MCM9: variants seen among roughly 807,000 people sequenced by gnomAD.
MCM9 encodes DNA helicase MCM9.
In MCM9, 55 loss-of-function variants were observed where a neutral mutation model predicts 72.8. The ratio of observed to expected loss-of-function variants is 0.76; its 90% CI spans 0.61 to 0.95. MCM9 has a LOEUF of 0.95. MCM9 is among the 40% of genes least tolerant of loss of function. The pLI, the probability that MCM9 is intolerant of heterozygous loss-of-function variation, is 0.00. For synonymous variants in MCM9, 480 were observed against 503.4 expected (o/e 0.95, Z 0.62); for missense variants, 1,279 against 1,377.0 (o/e 0.93, Z 1.13).
At chr6:118,875,730 C>T (rs1777893328) in intron 8 of MCM9, among the ~76,000 whole-genome samples, 1 of 152,116 alleles carries the variant, frequency 6.6e-6, no homozygotes, top group African/African-American at 2.4e-5. Flanking sequence ...GAACTGACAA[C>T]ACCAAGTGAT....
rs1453338033 is a variant in MCM9, at chr6:118,856,431, T to C, written c.1265A>G (p.His422Arg). The change falls in exon 9 of 14, where the codon CAT (histidine) becomes CGT (arginine). Residue 422 changes from histidine to arginine, a missense_variant. By Grantham distance (29) the His-to-Arg change is conservative. Transcript: ENST00000619706. ...TGCTTCATGGATACTGGTCCTATCATGCTCTTTGAGGCTATTGAACTCATC... is the reference window on the plus strand; with the variant it reads ...TGCTTCATGGATACTGGTCCTATCACGCTCTTTGAGGCTATTGAACTCATC... ...CIDEFNSLKE[H>R]DRTSIHEAME... The C allele has an allele frequency of 5.9e-6, 9 of 1,535,576 alleles. No individual in the cohort carries two copies. The highest frequency in any genetic ancestry group is 1.7e-4 in the Middle Eastern group (1 of 6,012).
chr6:118,882,369 T>C (rs959803904), intron 8 of MCM9, among the ~76,000 whole-genome samples: 1 of 152,152 alleles, frequency 6.6e-6, no homozygotes, highest in Non-Finnish European at 1.5e-5. Flanking sequence ...TCAAGCCTAA[T>C]GGAGATTTTG....
intron 3 of MCM9, among the ~76,000 whole-genome samples, chr6:118,929,637 T>C (rs1314476406): frequency 6.6e-6 from 1 of 152,156 alleles, no homozygotes; most frequent in Non-Finnish European, 1.5e-5. Context: ...TTCGACAACA[T>C]TAACTAAAGT....
At chr6:118,850,323 T>C (rs1776139813) in intron 9 of MCM9, among the ~76,000 whole-genome samples, 1 of 151,872 alleles carries the variant, frequency 6.6e-6, no homozygotes, top group African/African-American at 2.4e-5. Flanking sequence ...GAGATGTAAA[T>C]GCATTCAGAA....
intron 5 of MCM9, chr6:118,920,586 AC>A (rs1221601675): frequency 6.6e-6 from 1 of 152,212 alleles, no homozygotes; most frequent in Non-Finnish European, 1.5e-5. Flanking sequence ...GGCTTGGGCC[AC>A]CCTTTTGGTG....
In MCM9 at chr6:118,824,306, A is replaced by G. The variant is rs1026666753; in HGVS notation, c.1961+1841T>C. 2.6e-5 allele frequency among the ~76,000 whole-genome samples: 4 copies of G among 152,030 alleles called. No homozygotes were observed. The East Asian group carries it at 7.7e-4, about 29-fold the overall frequency. On this transcript the variant is annotated intron_variant, in intron 13 of 13. Coordinates refer to ENST00000619706, the MANE Select transcript of MCM9 (RefSeq NM_017696.3). ...TGCAAAAATCTCCTAAAAGATGAGA[A>G]TAAGTTAGGGTAGACTAAGCCCTAT...
intron 6 of MCM9, among the ~76,000 whole-genome samples, chr6:118,914,343 G>A (rs182844963): frequency 6.6e-6 from 1 of 152,260 alleles, no homozygotes; most frequent in East Asian, 1.9e-4. Context: ...ATTTCATTCA[G>A]TCATTGGCCT....
At chr6:118,854,350 TTTG>T (rs892480943) in intron 9 of MCM9, among the ~76,000 whole-genome samples, 63 of 152,224 alleles carry the variant, frequency 4.1e-4, no homozygotes, top group African/African-American at 1.3e-3. Context: ...GCAGGTGTTT[TTTG>T]TTGTTGTTGT....
chr6:118,907,103 A>AT (rs1780234576), intron 8 of MCM9, among the ~76,000 whole-genome samples: 1 of 152,230 alleles, frequency 6.6e-6, no homozygotes, highest in South Asian at 2.1e-4. Flanking sequence ...ATTTTCAAAA[A>AT]TGAGGAGATT....
At chr6:118,917,144 C>A (rs1045188426) in intron 6 of MCM9, among the ~76,000 whole-genome samples, 1 of 152,042 alleles carries the variant, frequency 6.6e-6, no homozygotes, top group African/African-American at 2.4e-5. Context: ...CTAGTTATTC[C>A]CTGTTTTAAA....
chr6:118,840,717 A>C (rs1239669799), intron 9 of MCM9, among the ~76,000 whole-genome samples: 2 of 148,824 alleles, frequency 1.3e-5, no homozygotes, highest in Non-Finnish European at 1.5e-5. Context: ...AATGCTAGGT[A>C]CATATATTCT....
intron 8 of MCM9, among the ~76,000 whole-genome samples, chr6:118,859,265 C>A (rs1404283715): frequency 1.3e-5 from 2 of 151,846 alleles, no homozygotes; most frequent in Admixed American, 6.6e-5. Flanking sequence ...AAAATTAATC[C>A]AAAATTAATT....
At chr6:118,850,216 T>C (rs886795767) in intron 9 of MCM9, among the ~76,000 whole-genome samples, 4 of 151,370 alleles carry the variant, frequency 2.6e-5, no homozygotes, top group African/African-American at 9.8e-5. Context: ...CTCAGTGGTA[T>C]ATCTAAGCAC....
At chr6:118,842,828 T>TA (rs1287890964) in intron 9 of MCM9, among the ~76,000 whole-genome samples, 7 of 152,120 alleles carry the variant, frequency 4.6e-5, no homozygotes, top group East Asian at 1.9e-4. Flanking sequence ...CCCCCTTTTT[T>TA]AAAAAAAACT....
intron 8 of MCM9, chr6:118,894,542 G>A (rs150975405): frequency 0.049 from 74,219 of 1,526,190 alleles, 2,620 homozygotes; most frequent in East Asian, 0.19. Flanking sequence ...GCGCCCGTGC[G>A]CCCGGGCTGT....
intron 9 of MCM9, among the ~76,000 whole-genome samples, chr6:118,841,972 CT>C (rs920485431): frequency 6.6e-6 from 1 of 151,950 alleles, no homozygotes; most frequent in African/African-American, 2.4e-5. Flanking sequence ...GTAGCTGGGA[CT>C]ACAGGCACAT....
intron 3 of MCM9, 127 bp from the exon 4 acceptor site, chr6:118,924,254 C>T: frequency 1.2e-6 from 1 of 863,030 alleles, no homozygotes; most frequent in Non-Finnish European, 1.8e-6. Flanking sequence ...TTGTGTTTTA[C>T]TAAGAAAAAA....
At chr6:118,833,985 T>A (rs1774776009) in intron 9 of MCM9, among the ~76,000 whole-genome samples, 1 of 152,110 alleles carries the variant, frequency 6.6e-6, no homozygotes, top group African/African-American at 2.4e-5. Flanking sequence ...CATCAACCCA[T>A]CATCTACATT....
At chr6:118,894,010 G>C (rs1168895041) in intron 8 of MCM9, 1 of 986,254 alleles carries the variant, frequency 1.0e-6, no homozygotes, top group East Asian at 1.1e-4. Context: ...GGGCCTCCCA[G>C]CCCTTATTCC....
Sources: gnomAD v4.1 joint callset for allele counts (sites outside exome capture counted in the v4.1 genomes callset) on GRCh38, gnomAD v4.1.1 for gene constraint, MANE v1.5 for transcripts, NCBI Gene and HGNC (gene_info 2026-07-23, HGNC 2026-07-21) for gene names.